Variants in CLTC observed in about 807,000 individuals in gnomAD.
CLTC encodes the protein clathrin heavy chain 1.
In CLTC, 16 loss-of-function variants were observed where a neutral mutation model predicts 195.8. That is an observed-to-expected ratio of 0.08 (90% CI 0.06 to 0.12). The LOEUF is 0.12. Among genes scored for constraint, CLTC ranks in the 10% least tolerant of loss-of-function variants. CLTC has a pLI of 1.00. For missense variants in CLTC, 796 were observed against 2,027.0 expected (o/e 0.39, Z 11.66); for synonymous variants, 667 against 689.4 (o/e 0.97, Z 0.51).
intron 10 of CLTC, among the ~76,000 whole-genome samples, 162 bp from the exon 11 acceptor site, chr17:59,665,941 C>T (rs1338867508): frequency 6.6e-6 from 1 of 152,120 alleles, no homozygotes; most frequent in Admixed American, 6.5e-5. Context: ...TTGTTTTTAT[C>T]AGAACTCAAA....
chr17:59,625,860 C>T (rs1188921698), intron 1 of CLTC, among the ~76,000 whole-genome samples: 1 of 152,120 alleles, frequency 6.6e-6, no homozygotes, highest in African/African-American at 2.4e-5. Flanking sequence ...CAGGTTAAGT[C>T]TAACCTCTTG....
intron 2 of CLTC, among the ~76,000 whole-genome samples, chr17:59,646,423 G>A (rs2032196282): frequency 6.6e-6 from 1 of 152,120 alleles, no homozygotes. Flanking sequence ...GTGTTACGGA[G>A]GGTTGTAGTA....
rs529111985 is a variant in CLTC, at chr17:59,665,979, T to A, written c.1645-124T>A. 4.6e-5 allele frequency: 28 copies of A among 608,242 alleles called. No homozygotes were observed. In the Admixed American group the frequency reaches 6.9e-4, roughly 15 times the overall value. The allele number at this position is 608,242 out of a possible 1,614,324, so 37.7% of individuals were successfully genotyped here. A position where few individuals can be genotyped will look rare whatever the true frequency, so the allele number is the denominator to read the frequency against. ...AACTATGATCCCTAGAGGACAAAAA[T>A]TTGTTCTTAAGTGTTTATATTGTCC... is the stretch of plus-strand genomic sequence containing the variant. On this transcript the variant is annotated intron_variant, in intron 10 of 31. Transcript: ENST00000269122.
At chr17:59,623,541 A>G (rs1429052533) in intron 1 of CLTC, among the ~76,000 whole-genome samples, 1 of 152,228 alleles carries the variant, frequency 6.6e-6, no homozygotes, top group Non-Finnish European at 1.5e-5. Context: ...GAAAATTCAC[A>G]TTTCAGGAAC....
At chr17:59,628,258 G>C (rs1281335192) in intron 1 of CLTC, among the ~76,000 whole-genome samples, 1 of 152,098 alleles carries the variant, frequency 6.6e-6, no homozygotes, top group African/African-American at 2.4e-5. Flanking sequence ...TGTTTAATCT[G>C]GGCTTATCTA....
chr17:59,684,275 A>T, intron 28 of CLTC: 1 of 266,088 alleles, frequency 3.8e-6, no homozygotes, highest in Non-Finnish European at 7.1e-6. Flanking sequence ...CACTTAACTA[A>T]TTCATAAAAT....
Position 59,681,316 on chromosome 17 carries a change from C to T in CLTC, c.3087C>T (p.Ile1029=), listed in dbSNP as rs1480731737. The change falls in exon 20 of 32, where the codon ATC becomes ATT. Residue 1029 remains isoleucine, a synonymous_variant. Coordinates refer to ENST00000269122, the MANE Select transcript of CLTC (RefSeq NM_004859.4). The surrounding 1 kb of genome is among the most constrained non-coding windows in gnomAD (Gnocchi z 5.0). Reference sequence around the variant, plus strand: ...AAAGGAATCTGCAAAACCTCCTTATCCTCACTGCAATTAAGGCTGACCGTA... The same window carrying T: ...AAAGGAATCTGCAAAACCTCCTTATTCTCACTGCAATTAAGGCTGACCGTA... ...SEHRNLQNLL[I]LTAIKADRTR... The T allele has an allele frequency of 1.2e-6, 2 of 1,612,268 alleles. No homozygotes were observed. Among genetic ancestry groups the T allele is most frequent in the Middle Eastern group, 1.7e-4 (1 of 6,050 alleles).
At chr17:59,687,898 G>C (rs868639389) in intron 30 of CLTC, among the ~76,000 whole-genome samples, 1 of 152,116 alleles carries the variant, frequency 6.6e-6, no homozygotes, top group Non-Finnish European at 1.5e-5. Context: ...ACTTACGTCT[G>C]TTATCAAATT....
chr17:59,626,383 C>T (rs1415142566), intron 1 of CLTC, among the ~76,000 whole-genome samples: 1 of 152,090 alleles, frequency 6.6e-6, no homozygotes, highest in African/African-American at 2.4e-5. Flanking sequence ...TTATTATGTT[C>T]CACGAGTCTC....
chr17:59,620,016 G>A lies in CLTC; in HGVS notation c.-116G>A. The A allele has an allele frequency of 1.1e-6, 1 of 872,032 alleles. No homozygotes were observed. The allele number at this position is 872,032 out of a possible 1,614,324, so 54.0% of individuals were successfully genotyped here. A position where few individuals can be genotyped will look rare whatever the true frequency, so the allele number is the denominator to read the frequency against. On this transcript the variant is annotated 5_prime_UTR_variant, in exon 1 of 32. Coordinates refer to ENST00000269122, the MANE Select transcript of CLTC (RefSeq NM_004859.4). ...GCCAGTTTCCTGCGTCCCCGGAGAG[G>A]ATCCTGCTGAGCCCAGCCTCCCCCC... is the stretch of plus-strand genomic sequence containing the variant.
At chr17:59,674,301 A>G (rs370706485) in intron 15 of CLTC, among the ~76,000 whole-genome samples, 1 of 152,268 alleles carries the variant, frequency 6.6e-6, no homozygotes, top group East Asian at 1.9e-4. Flanking sequence ...TTAAATACAG[A>G]TATTAGATAA....
intron 15 of CLTC, among the ~76,000 whole-genome samples, 173 bp downstream of exon 15, chr17:59,673,945 C>G (rs565292516): frequency 1.6e-4 from 24 of 152,122 alleles, no homozygotes; most frequent in Admixed American, 6.5e-5. Flanking sequence ...GTCACCCATG[C>G]TGGAATACAG....
intron 4 of CLTC, among the ~76,000 whole-genome samples, chr17:59,650,483 C>CT (rs35425747): frequency 0.02 from 2,286 of 116,826 alleles, 53 homozygotes; most frequent in African/African-American, 0.029. Flanking sequence ...ATTCAGATGA[C>CT]TTTTTTTTTT....
chr17:59,657,089 G>A (rs1356219798), intron 6 of CLTC, among the ~76,000 whole-genome samples: 1 of 152,068 alleles, frequency 6.6e-6, no homozygotes, highest in African/African-American at 2.4e-5. Flanking sequence ...TTCCAAATTA[G>A]TATTTTTCCC....
intron 1 of CLTC, among the ~76,000 whole-genome samples, chr17:59,622,539 G>A (rs1379990015): frequency 6.6e-6 from 1 of 152,036 alleles, no homozygotes; most frequent in Admixed American, 6.5e-5. Flanking sequence ...CACCACACCT[G>A]GCTAATTTTT....
In CLTC at chr17:59,681,880, A is replaced by G. The variant is rs2033088823; in HGVS notation, c.3442+41A>G. The G allele has an allele frequency of 1.3e-6, 2 of 1,511,560 alleles. No individual in the cohort carries two copies. Among genetic ancestry groups the G allele is most frequent in the East Asian group, 4.5e-5 (2 of 44,188 alleles). The allele number at this position is 1,511,560 out of a possible 1,614,324, so 93.6% of individuals were successfully genotyped here. On this transcript the variant is annotated intron_variant, in intron 21 of 31. Coordinates refer to ENST00000269122, the MANE Select transcript of CLTC (RefSeq NM_004859.4). The surrounding 1 kb of genome is among the most constrained non-coding windows in gnomAD (Gnocchi z 5.0). ...TTATGTATTGAAACCTCATAAAATG[A>G]TTAAGCTAAGCATTAAGATATCTGT...
chr17:59,636,641 C>G (rs1309649980), intron 1 of CLTC, among the ~76,000 whole-genome samples: 1 of 152,128 alleles, frequency 6.6e-6, no homozygotes, highest in East Asian at 1.9e-4. Context: ...GTGTGAACCA[C>G]CATACCCAGT....
chr17:59,664,737 C>T (rs1402713640), intron 9 of CLTC, 50 bp from the exon 10 acceptor site: 2 of 1,581,526 alleles, frequency 1.3e-6, no homozygotes, highest in East Asian at 2.3e-5. Flanking sequence ...TCTTTAAATG[C>T]TATAAAATTG....
chr17:59,659,514 C>T (rs1348752280), intron 6 of CLTC, among the ~76,000 whole-genome samples: 1 of 149,184 alleles, frequency 6.7e-6, no homozygotes. Context: ...GCAGTCGTGC[C>T]ATCTTGGCTT....
Sources: allele counts gnomAD v4.1 joint callset (sites outside exome capture counted in the v4.1 genomes callset), GRCh38; gene constraint gnomAD v4.1.1; non-coding constraint Gnocchi (gnomAD v3.1); transcripts MANE v1.5; gene names NCBI Gene and HGNC (gene_info 2026-07-23, HGNC 2026-07-21).